GATAD2B: variants seen among roughly 807,000 people sequenced by gnomAD.
The protein encoded by GATAD2B is transcriptional repressor p66-beta.
GATAD2B carries 8 observed loss-of-function variants against 64.3 expected under a neutral mutation model. The ratio of observed to expected loss-of-function variants is 0.12; its 90% CI spans 0.07 to 0.22. The LOEUF (loss-of-function observed/expected upper bound fraction) is 0.22, where lower values mean the gene tolerates loss of function less well. GATAD2B is among the 10% of genes least tolerant of loss of function. The probability of loss-of-function intolerance (pLI) is 1.00; values close to 1 mark genes in which losing one functional copy is unlikely to be tolerated. For synonymous variants in GATAD2B, 281 were observed against 271.3 expected, an observed-to-expected ratio of 1.04 and a Z score of -0.35; for missense variants, 453 against 752.0, an observed-to-expected ratio of 0.60 and a Z score of 4.65.
chr1:153,872,704 A>T (rs528182982), intron 1 of GATAD2B, among the ~76,000 whole-genome samples: 1 of 152,326 alleles, frequency 6.6e-6, no homozygotes, highest in Non-Finnish European at 1.5e-5. Flanking sequence ...CATCTGCCAA[A>T]TACCCAAGTC....
chr1:153,858,276 A>G (rs1178566564), intron 1 of GATAD2B, among the ~76,000 whole-genome samples: 3 of 152,130 alleles, frequency 2.0e-5, no homozygotes, highest in Non-Finnish European at 4.4e-5. Flanking sequence ...AAAAATCCAG[A>G]AATCAGGCTG....
chr1:153,911,311 C>A (rs564858129), intron 1 of GATAD2B, among the ~76,000 whole-genome samples: 1 of 152,160 alleles, frequency 6.6e-6, no homozygotes, highest in East Asian at 1.9e-4. Context: ...GAGAGAGATA[C>A]ACATACACAC....
chr1:153,887,552 G>A (rs1570990212), intron 1 of GATAD2B, among the ~76,000 whole-genome samples: 1 of 152,134 alleles, frequency 6.6e-6, no homozygotes, highest in South Asian at 2.1e-4. Flanking sequence ...ACAAGACTTC[G>A]AGTCCTGAGA....
chr1:153,909,497 G>A lies in GATAD2B; in HGVS notation c.-2+13236C>T, dbSNP rs1262307822. Among the ~76,000 whole-genome samples, 7 of 151,564 alleles carry A rather than the reference G, an allele frequency of 4.6e-5. No individual in the cohort carries two copies. In the East Asian group the frequency reaches 1.4e-3, roughly 30 times the overall value. ...TTACAGGCGTGAGCCACCATGCCCG[G>A]CCACATTAAAAATAATTTTTAAGGC... On this transcript the variant is annotated intron_variant, in intron 1 of 10. Transcript: ENST00000368655.
intron 10 of GATAD2B, among the ~76,000 whole-genome samples, 198 bp from the exon 11 acceptor site, chr1:153,810,508 T>C (rs1180279537): frequency 6.6e-6 from 1 of 152,254 alleles, no homozygotes; most frequent in Admixed American, 6.5e-5. Flanking sequence ...TCACCCAGGC[T>C]GGAGTGCAGT....
chr1:153,893,396 C>T (rs1301787762), intron 1 of GATAD2B, among the ~76,000 whole-genome samples: 1 of 151,784 alleles, frequency 6.6e-6, no homozygotes, highest in African/African-American at 2.4e-5. Context: ...CACTTGAGCC[C>T]AGAAGTTTCA....
chr1:153,889,396 G>A lies in GATAD2B; in HGVS notation c.-2+33337C>T, dbSNP rs1445950680. Among the ~76,000 whole-genome samples the A allele has an allele frequency of 2.8e-5, 3 of 108,588 alleles. No homozygotes were observed. In the East Asian group the frequency reaches 9.3e-4, roughly 34 times the overall value. 71.2% of individuals were successfully genotyped at this position (108,588 alleles called of 152,430 possible). On this transcript the variant is annotated intron_variant, in intron 1 of 10. Coordinates refer to ENST00000368655, the MANE Select transcript of GATAD2B (RefSeq NM_020699.4). ...CATTGCACTCCAGCCTGGGCAACAA[G>A]AGCGAAACCCCGTCTCCAAAAAAAA...
intron 2 of GATAD2B, among the ~76,000 whole-genome samples, chr1:153,821,630 G>C (rs536543335): frequency 1.1e-4 from 16 of 151,996 alleles, no homozygotes; most frequent in African/African-American, 3.4e-4. Context: ...GCAATGGCGC[G>C]ATCTCGGCTC....
intron 2 of GATAD2B, 79 bp from the exon 3 acceptor site, chr1:153,819,814 G>T (rs1325138959): frequency 2.2e-6 from 3 of 1,346,606 alleles, no homozygotes; most frequent in Admixed American, 2.3e-5. Context: ...AAAATCCAAG[G>T]GGGGCCGGGT....
At chr1:153,891,139 G>A (rs1427880978) in intron 1 of GATAD2B, among the ~76,000 whole-genome samples, 2 of 151,184 alleles carry the variant, frequency 1.3e-5, no homozygotes, top group African/African-American at 4.9e-5. Flanking sequence ...AGCTGAGATC[G>A]CACCATTGCA....
intron 1 of GATAD2B, among the ~76,000 whole-genome samples, chr1:153,916,006 G>A (rs989031450): frequency 2.0e-5 from 3 of 152,118 alleles, no homozygotes; most frequent in African/African-American, 4.8e-5. Flanking sequence ...ACAGCCGGGT[G>A]CGGTGGCTCA....
chr1:153,812,240 G>C lies in GATAD2B; in HGVS notation c.1420-108C>G. 2 of 645,380 alleles carry C rather than the reference G, an allele frequency of 3.1e-6. 1 individual carries two copies. Among genetic ancestry groups the C allele is most frequent in the South Asian group, 3.8e-5 (2 of 52,510 alleles). 40.0% of individuals were successfully genotyped at this position (645,380 alleles called of 1,614,324 possible). On this transcript the variant is annotated intron_variant, in intron 8 of 10. Transcript: ENST00000368655. ...AGACACAATCTGACTTTGTTGCCCAGGCTGGTCTGGCACTCCTGGGCTCAA... is the reference window on the plus strand; with the variant it reads ...AGACACAATCTGACTTTGTTGCCCACGCTGGTCTGGCACTCCTGGGCTCAA...
At chr1:153,828,876 C>G (rs936524717) in intron 1 of GATAD2B, among the ~76,000 whole-genome samples, 1 of 152,090 alleles carries the variant, frequency 6.6e-6, no homozygotes. Context: ...TAATCATTAT[C>G]TTCCCTTTTC....
intron 1 of GATAD2B, among the ~76,000 whole-genome samples, chr1:153,922,449 G>A (rs1188748807): frequency 6.6e-6 from 1 of 150,414 alleles, no homozygotes; most frequent in African/African-American, 2.4e-5. Flanking sequence ...GGGCGCGCGA[G>A]GCCGAAGTGA....
At chr1:153,870,285 A>G (rs1053495016) in intron 1 of GATAD2B, among the ~76,000 whole-genome samples, 5 of 152,096 alleles carry the variant, frequency 3.3e-5, no homozygotes, top group South Asian at 2.1e-4. Context: ...AAAGGAAAAA[A>G]TCCGGCCAGG....
At chr1:153,878,882 ATTC>A (rs1161599806) in intron 1 of GATAD2B, among the ~76,000 whole-genome samples, 1 of 151,152 alleles carries the variant, frequency 6.6e-6, no homozygotes, top group Non-Finnish European at 1.5e-5. Flanking sequence ...GGTTCAAGAA[ATTC>A]TTCTGCCTCA....
chr1:153,812,321 G>A (rs1674320607), intron 8 of GATAD2B, 189 bp from the exon 9 acceptor site: 4 of 537,106 alleles, frequency 7.4e-6, no homozygotes, highest in Admixed American at 3.4e-5. Flanking sequence ...ATGAATCACT[G>A]CACCTGGCCC....
chr1:153,821,861 C>T (rs72694223), intron 2 of GATAD2B, among the ~76,000 whole-genome samples: 7 of 151,508 alleles, frequency 4.6e-5, no homozygotes, highest in South Asian at 2.1e-4. Flanking sequence ...CGACTGTGCC[C>T]GGCCTGAATT....
In GATAD2B at chr1:153,809,038, A is replaced by C. The variant is rs1674198127; in HGVS notation, c.*1139T>G. 6.6e-6 allele frequency: 1 copy of C among 152,142 alleles called. No homozygotes were observed. Among genetic ancestry groups the C allele is most frequent in the African/African-American group, 2.4e-5 (1 of 41,432 alleles). The allele number at this position is 152,142 out of a possible 1,614,324, so 9.4% of individuals were successfully genotyped here. On this transcript the variant is annotated 3_prime_UTR_variant, in exon 11 of 11. Transcript: ENST00000368655. ...GGGTGAAAGAATAGGCAAATATGCG[A>C]ATCTCAACTGTTGGAAGAGAAATCC...
Sources: gnomAD v4.1 joint callset for allele counts (sites outside exome capture counted in the v4.1 genomes callset) on GRCh38, gnomAD v4.1.1 for gene constraint, MANE v1.5 for transcripts, NCBI Gene and HGNC (gene_info 2026-07-23, HGNC 2026-07-21) for gene names.